The following PCSK5 variants were observed in gnomAD, a reference collection of about 807,000 sequenced individuals.
PCSK5 encodes proprotein convertase subtilisin/kexin type 5, also known as prohormone convertase 5.
A neutral mutation model predicts 233.2 loss-of-function variants in PCSK5; 129 were observed. That is an observed-to-expected ratio of 0.55 (90% CI 0.48 to 0.64). The LOEUF (loss-of-function observed/expected upper bound fraction) is 0.64, where lower values mean the gene tolerates loss of function less well. PCSK5 is among the 30% of genes least tolerant of loss of function. PCSK5 has a pLI of 0.00. For missense variants in PCSK5, 2,076 were observed against 2,430.1 expected (o/e 0.85, Z 3.06); for synonymous variants, 825 against 879.2 (o/e 0.94, Z 1.09).
At chr9:76,182,974 C>T (rs1322855721) in intron 16 of PCSK5, among the ~76,000 whole-genome samples, 1 of 152,176 alleles carries the variant, frequency 6.6e-6, no homozygotes, top group Admixed American at 6.5e-5. Context: ...GAGGGTCTTT[C>T]AACTTACCCT....
At chr9:76,216,890 GA>G (rs1825553744) in intron 20 of PCSK5, among the ~76,000 whole-genome samples, 1 of 152,160 alleles carries the variant, frequency 6.6e-6, no homozygotes, top group African/African-American at 2.4e-5. Context: ...ACCCAGGCTG[GA>G]GTGCAATGGT....
Position 76,027,012 on chromosome 9 carries a change from C to T in PCSK5, c.607C>T (p.Arg203Cys), listed in dbSNP as rs1357933613. ...VNGNDLDPMP[R>C]YDASNENKHG... ...TGGGAATGACTTGGACCCAATGCCT[C>T]GTTATGATGCAAGCAACGAGAACAA... Residue 203 changes from arginine (R) to cysteine (C), a missense_variant, in exon 5 of 38, where the codon CGT becomes TGT. Around this residue, in one of 6 missense-constraint regions of PCSK5, gnomAD observed 178 missense variants for 393.6 expected, o/e 0.45. Transcript: ENST00000674117. The T allele has an allele frequency of 1.2e-6, 2 of 1,608,962 alleles. No homozygotes were observed. The highest frequency in any genetic ancestry group is 1.7e-6 in the Non-Finnish European group (2 of 1,177,180).
chr9:76,047,563 AT>A (rs1438683107), intron 5 of PCSK5, among the ~76,000 whole-genome samples: 1 of 152,062 alleles, frequency 6.6e-6, no homozygotes, highest in Non-Finnish European at 1.5e-5. Context: ...TAGCAAACCA[AT>A]TTTGCATTTG....
chr9:75,907,616 C>T (rs566438574), intron 1 of PCSK5, among the ~76,000 whole-genome samples: 2 of 152,116 alleles, frequency 1.3e-5, no homozygotes, highest in South Asian at 2.1e-4. Flanking sequence ...GCACGCACTC[C>T]GAGAGGCAAG....
chr9:76,079,284 A>G (rs1830751147), intron 7 of PCSK5, among the ~76,000 whole-genome samples: 1 of 150,896 alleles, frequency 6.6e-6, no homozygotes, highest in South Asian at 2.1e-4. Flanking sequence ...TTGTATTTTT[A>G]GTAGAGATCC....
At chr9:75,937,890 C>T (rs535190368) in intron 2 of PCSK5, among the ~76,000 whole-genome samples, 1 of 152,286 alleles carries the variant, frequency 6.6e-6, no homozygotes, top group South Asian at 2.1e-4. Flanking sequence ...GTCTCTCAGC[C>T]TTCTTAGAAT....
In PCSK5 at chr9:76,349,286, A is replaced by G. The variant is rs554182853; in HGVS notation, c.4967-1542A>G. Among the ~76,000 whole-genome samples, 116 of 104,362 alleles carry G rather than the reference A, an allele frequency of 1.1e-3. 1 individual carries two copies. The highest frequency in any genetic ancestry group is 3.1e-3 in the African/African-American group (110 of 35,348). 68.5% of individuals were successfully genotyped at this position (104,362 alleles called of 152,430 possible). ...CAGACTCTGTCTCAAAAAAAAAAAA[A>G]AAAAAGAAAAAAGAAAAAGAAAAAT... On this transcript the variant is annotated intron_variant, in intron 35 of 37. Coordinates refer to ENST00000674117, the MANE Select transcript of PCSK5 (RefSeq NM_001372043.1).
chr9:76,273,576 C>CAT (rs34398269), intron 24 of PCSK5, among the ~76,000 whole-genome samples: 45,280 of 117,906 alleles, frequency 0.38, 8,542 homozygotes, highest in Middle Eastern at 0.5. Context: ...TATATATATA[C>CAT]ATATATATAT....
At chr9:76,263,167 T>G (rs1327078029) in intron 24 of PCSK5, among the ~76,000 whole-genome samples, 5 of 152,056 alleles carry the variant, frequency 3.3e-5, no homozygotes, top group African/African-American at 1.2e-4. Context: ...GGAACACTTT[T>G]ACACTGTTGG....
chr9:76,120,601 A>G (rs1426542908), intron 9 of PCSK5, among the ~76,000 whole-genome samples: 2 of 151,774 alleles, frequency 1.3e-5, no homozygotes, highest in African/African-American at 2.4e-5. Flanking sequence ...ATTATTGCTT[A>G]TCTATAACAG....
At chr9:76,047,150 G>A (rs1193531511) in intron 5 of PCSK5, among the ~76,000 whole-genome samples, 1 of 151,180 alleles carries the variant, frequency 6.6e-6, no homozygotes, top group African/African-American at 2.4e-5. Context: ...ATGCTGGAGT[G>A]CAATGGTGAG....
chr9:76,189,963 T>C (rs561082489), intron 20 of PCSK5, among the ~76,000 whole-genome samples: 3 of 152,356 alleles, frequency 2.0e-5, no homozygotes, highest in Admixed American at 6.5e-5. Context: ...CTGGCCAATA[T>C]GGCTCAAGTT....
At chr9:76,294,173 A>T (rs930460857) in intron 25 of PCSK5, among the ~76,000 whole-genome samples, 1 of 148,730 alleles carries the variant, frequency 6.7e-6, no homozygotes, top group Admixed American at 6.7e-5. Flanking sequence ...CTCCAGCCTC[A>T]GTGACAGGGA....
At chr9:76,284,515 A>AC (rs1265433468) in intron 24 of PCSK5, among the ~76,000 whole-genome samples, 1 of 100,572 alleles carries the variant, frequency 9.9e-6, no homozygotes, top group Admixed American at 1.1e-4. Flanking sequence ...AGTCCATTAA[A>AC]CCCTTTTTTT....
intron 22 of PCSK5, among the ~76,000 whole-genome samples, chr9:76,234,751 G>A (rs1826197071): frequency 6.6e-6 from 1 of 152,154 alleles, no homozygotes; most frequent in African/African-American, 2.4e-5. Context: ...ATTTAGAACA[G>A]GGCTAGCCAC....
At chr9:76,232,434 T>C (rs1278976730) in intron 21 of PCSK5, among the ~76,000 whole-genome samples, 1 of 152,156 alleles carries the variant, frequency 6.6e-6, no homozygotes, top group Non-Finnish European at 1.5e-5. Context: ...ATAGGAATCA[T>C]TTAGCGAATT....
rs756278521 is a variant in PCSK5, at chr9:76,095,904, C to T, written c.909C>T (p.Leu303=). 2.5e-5 allele frequency: 40 copies of T among 1,613,862 alleles called. No individual in the cohort carries two copies. Among genetic ancestry groups the T allele is most frequent in the Middle Eastern group, 3.3e-4 (2 of 6,080 alleles). The change falls in exon 8 of 38, where the codon CTC becomes CTT. Residue 303 remains leucine (L), a synonymous_variant. Transcript: ENST00000674117. ...ENGVRMGRRG[L]GSVFVWASGN... is the part of the protein sequence containing the mutation. ...TTTGTGAACAGGGGCGGAGAGGCCT[C>T]GGCTCTGTGTTTGTTTGGGCATCTG... is the stretch of plus-strand genomic sequence containing the variant.
intron 3 of PCSK5, among the ~76,000 whole-genome samples, chr9:76,003,189 C>T (rs927766873): frequency 5.9e-5 from 9 of 152,152 alleles, no homozygotes; most frequent in African/African-American, 2.2e-4. Flanking sequence ...GGCAGGCATC[C>T]TTATCACGTG....
At chr9:76,103,143 T>A (rs1831832740) in intron 8 of PCSK5, among the ~76,000 whole-genome samples, 1 of 152,208 alleles carries the variant, frequency 6.6e-6, no homozygotes, top group African/African-American at 2.4e-5. Context: ...TCTTTTTTAT[T>A]TTACTGTGCT....
Sources: gnomAD v4.1 joint callset for allele counts (sites outside exome capture counted in the v4.1 genomes callset) on GRCh38, gnomAD v4.1.1 for gene constraint, gnomAD v4.1.1 regional missense constraint, MANE v1.5 for transcripts, NCBI Gene and HGNC (gene_info 2026-07-23, HGNC 2026-07-21) for gene names.